CHORDC1: variants seen among roughly 807,000 people sequenced by gnomAD.
The protein encoded by CHORDC1 is cysteine and histidine rich domain containing 1, also known as cysteine and histidine-rich domain-containing protein 1.
CHORDC1 carries 25 observed loss-of-function variants against 48.3 expected under a neutral mutation model. The observed-to-expected ratio is 0.52, with a 90% CI of 0.38 to 0.72. The LOEUF (loss-of-function observed/expected upper bound fraction) is 0.72. Ranked by LOEUF, CHORDC1 falls within the 30% of genes least tolerant of loss-of-function variation. CHORDC1 has a pLI of 0.00. For synonymous variants in CHORDC1, 128 were observed against 126.4 expected (o/e 1.01, Z -0.09); for missense variants, 317 against 388.7 (o/e 0.82, Z 1.55).
At chr11:90,213,635 G>A (rs1414773628) in intron 4 of CHORDC1, 1 of 461,536 alleles carries the variant, frequency 2.2e-6, no homozygotes, top group Non-Finnish European at 3.8e-6. Flanking sequence ...AGTAAAGATG[G>A]ATGATTAGGC....
intron 1 of CHORDC1, chr11:90,222,499 T>C (rs1000663717): frequency 2.5e-6 from 1 of 394,176 alleles, no homozygotes; most frequent in Non-Finnish European, 4.9e-6. Flanking sequence ...CATCACTACT[T>C]CGGGAACTAC....
chr11:90,218,921 A>G (rs1858088756), intron 1 of CHORDC1, among the ~76,000 whole-genome samples: 1 of 151,728 alleles, frequency 6.6e-6, no homozygotes, highest in East Asian at 1.9e-4. Context: ...GCCTTCCCCA[A>G]GTGTGCATTT....
chr11:90,204,862 A>T (rs939893008), intron 8 of CHORDC1, among the ~76,000 whole-genome samples: 1 of 152,106 alleles, frequency 6.6e-6, no homozygotes, highest in African/African-American at 2.4e-5. Flanking sequence ...TCCTCTCACA[A>T]TTTAATGGGG....
chr11:90,206,279 AG>A lies in CHORDC1; in HGVS notation c.493-8del, dbSNP rs112982950. ...TCTCTAGACCCTGGTATGTCTAAAA[AG>A]GAAACAAAGAGAAAAAAAATTAGCT... On this transcript the variant is annotated splice_region_variant and splice_polypyrimidine_tract_variant and intron_variant, in intron 6 of 10. Transcript: ENST00000320585. 1.3e-6 allele frequency: 2 copies of A among 1,495,488 alleles called. No homozygotes were observed. Among genetic ancestry groups the A allele is most frequent in the Non-Finnish European group, 1.9e-6 (2 of 1,074,128 alleles). 92.6% of individuals were successfully genotyped at this position (1,495,488 alleles called of 1,614,324 possible).
At chr11:90,222,566 G>C (rs1027039568) in intron 1 of CHORDC1, 1 of 565,182 alleles carries the variant, frequency 1.8e-6, no homozygotes, top group African/African-American at 1.9e-5. Flanking sequence ...TGGAGGGCCA[G>C]AGGAGAAACG....
chr11:90,205,369 T>C (rs1857651743), intron 8 of CHORDC1, 91 bp downstream of exon 8: 4 of 893,696 alleles, frequency 4.5e-6, no homozygotes, highest in Non-Finnish European at 7.1e-6. Flanking sequence ...AAACTTTTTT[T>C]TAAAATCTAA....
chr11:90,210,463 G>C (rs1857828861), intron 6 of CHORDC1, 73 bp downstream of exon 6: 1 of 882,176 alleles, frequency 1.1e-6, no homozygotes, highest in African/African-American at 1.7e-5. Context: ...TTGTTGAATT[G>C]AGTCAGCAAA....
At chr11:90,206,094 T>G (rs1857673945) in intron 7 of CHORDC1, 108 bp downstream of exon 7, 1 of 738,082 alleles carries the variant, frequency 1.4e-6, no homozygotes, top group South Asian at 1.5e-5. Context: ...AATGGCAATG[T>G]AAGTAAAATG....
At chr11:90,215,770 T>C (rs1416058370) in intron 2 of CHORDC1, among the ~76,000 whole-genome samples, 1 of 152,034 alleles carries the variant, frequency 6.6e-6, no homozygotes, top group Non-Finnish European at 1.5e-5. Context: ...AAACTATTAG[T>C]ATTTGTGATT....
chr11:90,206,129 A>G (rs1406152984), intron 7 of CHORDC1, 73 bp downstream of exon 7: 2 of 918,628 alleles, frequency 2.2e-6, no homozygotes, highest in Non-Finnish European at 3.6e-6. Context: ...ATGGCAAACA[A>G]TGTTTAAAGA....
chr11:90,222,896 G>C lies in CHORDC1; in HGVS notation c.59C>G (p.Ser20Cys). 1 of 1,614,028 alleles carries C rather than the reference G, an allele frequency of 6.2e-7. No individual in the cohort carries two copies. The highest frequency in any genetic ancestry group is 8.5e-7 in the Non-Finnish European group (1 of 1,179,900). ...CGQRFDPETN[S>C]DDACTYHPGV... ...TGGCGGCGCGTTCCTCTTACCGTCG[G>C]AATTGGTCTCAGGATCGAAGCGCTG... Residue 20 changes from serine (S) to cysteine (C), a missense_variant, in exon 1 of 11, where the codon TCC becomes TGC. Ser to Cys is a moderately radical substitution (Grantham distance 112, BLOSUM62 -1). Coordinates refer to ENST00000320585, the MANE Select transcript of CHORDC1 (RefSeq NM_012124.3).
intron 1 of CHORDC1, chr11:90,222,658 C>T: frequency 1.4e-6 from 1 of 691,202 alleles, no homozygotes; most frequent in South Asian, 1.5e-5. Flanking sequence ...GCGTCTCTCT[C>T]CGCAGTGGCA....
chr11:90,205,132 A>G (rs1278778680), intron 8 of CHORDC1, among the ~76,000 whole-genome samples: 1 of 152,192 alleles, frequency 6.6e-6, no homozygotes, highest in Non-Finnish European at 1.5e-5. Flanking sequence ...ATTCATAGAA[A>G]AGTAATTTTT....
intron 7 of CHORDC1, 150 bp from the exon 8 acceptor site, chr11:90,205,715 A>G: frequency 3.3e-6 from 2 of 600,286 alleles, no homozygotes; most frequent in South Asian, 2.2e-5. Context: ...AAATGAATGT[A>G]CAGTATATCA....
At chr11:90,221,166 AACTTGC>A (rs1858162070) in intron 1 of CHORDC1, among the ~76,000 whole-genome samples, 1 of 152,060 alleles carries the variant, frequency 6.6e-6, no homozygotes, top group South Asian at 2.1e-4. Context: ...CGCAAAATGG[AACTTGC>A]TTGTGTATTT....
rs1294598678 is a variant in CHORDC1 at position 90,202,833 on chromosome 11, G to T, written c.832C>A (p.Gln278Lys). 4 of 1,600,674 alleles carry T rather than the reference G, an allele frequency of 2.5e-6. No homozygotes were observed. The highest frequency in any genetic ancestry group is 3.4e-6 in the Non-Finnish European group (4 of 1,174,818). ...IVFEGEKEFD[Q>K]NVKLWGVIDV... is the part of the protein sequence containing the mutation. ...CTTACACCCCATAATTTCACATTTT[G>T]ATCAAATTCCTTCTCTCCTTCAAAT... is the stretch of plus-strand genomic sequence containing the variant. The change falls in exon 10 of 11, where the codon CAA (glutamine) becomes AAA (lysine). Residue 278 changes from glutamine (Q) to lysine (K), a missense_variant. Physicochemically the swap from Gln to Lys is moderately conservative, Grantham distance 53. Coordinates refer to ENST00000320585, the MANE Select transcript of CHORDC1 (RefSeq NM_012124.3).
chr11:90,222,710 C>A (rs771142434), intron 1 of CHORDC1, 181 bp downstream of exon 1: 3 of 713,928 alleles, frequency 4.2e-6, no homozygotes, highest in South Asian at 3.0e-5. Flanking sequence ...GCCAAGGGAA[C>A]GCGGCGCAAC....
chr11:90,213,106 C>G (rs931254071), intron 4 of CHORDC1: 2 of 285,350 alleles, frequency 7.0e-6, no homozygotes, highest in Non-Finnish European at 1.3e-5. Context: ...TCTCCTCTAA[C>G]TATGAAGATG....
At chr11:90,206,349 G>C in intron 6 of CHORDC1, 77 bp from the exon 7 acceptor site, 1 of 812,954 alleles carries the variant, frequency 1.2e-6, no homozygotes, top group Non-Finnish European at 2.1e-6. Context: ...CAGTATTGGT[G>C]ACCTCTACGA....
Sources: allele counts gnomAD v4.1 joint callset (sites outside exome capture counted in the v4.1 genomes callset), GRCh38; gene constraint gnomAD v4.1.1; transcripts MANE v1.5; gene names NCBI Gene and HGNC (gene_info 2026-07-23, HGNC 2026-07-21).